MICAL2: variants seen among roughly 807,000 people sequenced by gnomAD.
The protein encoded by MICAL2 is microtubule associated monooxygenase, calponin and LIM domain containing 2, also known as [F-actin]-monooxygenase MICAL2.
A neutral mutation model predicts 127.3 loss-of-function variants in MICAL2; 77 were observed. That is an observed-to-expected ratio of 0.60 (90% CI 0.50 to 0.73). The LOEUF (loss-of-function observed/expected upper bound fraction) is 0.73, where lower values mean the gene tolerates loss of function less well. MICAL2 is among the 30% of genes least tolerant of loss of function. The pLI, the probability that MICAL2 is intolerant of heterozygous loss-of-function variation, is 0.00. For missense variants in MICAL2, 1,351 were observed against 1,434.4 expected (o/e 0.94, Z 0.94); for synonymous variants, 570 against 551.1 (o/e 1.03, Z -0.48).
downstream of MICAL2, among the ~76,000 whole-genome samples, chr11:12,296,843 A>G (rs1863991943): frequency 1.3e-5 from 2 of 151,820 alleles, no homozygotes; most frequent in African/African-American, 2.4e-5. Flanking sequence ...TTTTCATTTT[A>G]TTTTGGAGCT....
At chr11:12,275,804 T>C (rs1029607316), upstream of MICAL2, among the ~76,000 whole-genome samples, 4 of 152,194 alleles carry the variant, frequency 2.6e-5, no homozygotes, top group African/African-American at 9.7e-5. Flanking sequence ...AAATATGCCC[T>C]AAATGCCTGG....
chr11:12,323,776 G>T (rs1864325989), intron 30 of MICAL2, among the ~76,000 whole-genome samples: 1 of 152,158 alleles, frequency 6.6e-6, no homozygotes, highest in Non-Finnish European at 1.5e-5. Context: ...GCCACATGGG[G>T]CTTGTGGCTT....
chr11:12,157,813 C>A (rs978391446), intron 2 of MICAL2, among the ~76,000 whole-genome samples: 2 of 152,190 alleles, frequency 1.3e-5, no homozygotes, highest in African/African-American at 4.8e-5. Context: ...CTGAGTCCTT[C>A]TGAGTGCTAG....
intron 1 of MICAL2, among the ~76,000 whole-genome samples, chr11:12,124,429 C>A (rs1023169735): frequency 1.3e-5 from 2 of 152,132 alleles, no homozygotes; most frequent in Non-Finnish European, 2.9e-5. Flanking sequence ...TGCAGTTCTG[C>A]ATCTACTATC....
chr11:12,150,882 G>T (rs1468131603), intron 2 of MICAL2, among the ~76,000 whole-genome samples: 1 of 152,166 alleles, frequency 6.6e-6, no homozygotes, highest in Non-Finnish European at 1.5e-5. Context: ...TTCTGCCTCG[G>T]TTTGGTTTGG....
At chr11:12,240,863 G>A (rs2279613) in intron 17 of MICAL2, among the ~76,000 whole-genome samples, 177 bp from the exon 18 acceptor site, 52,043 of 152,178 alleles carry the variant, frequency 0.34, 9,269 homozygotes, top group South Asian at 0.41. Flanking sequence ...AGGGAGCCAG[G>A]GCTCAAGTTT....
Position 12,150,381 on chromosome 11 carries a change from C to G in MICAL2, c.-77-11698C>G, listed in dbSNP as rs186096649. On this transcript the variant is annotated intron_variant, in intron 2 of 27. Coordinates refer to ENST00000683283, the MANE Select transcript of MICAL2 (RefSeq NM_001282663.2). Reference sequence around the variant, plus strand: ...GGTCAAGGCTGCAGTGAGCCGTGACCGTACCACTGCTCTCCAACCTGGGCA... The same window carrying G: ...GGTCAAGGCTGCAGTGAGCCGTGACGGTACCACTGCTCTCCAACCTGGGCA... Among the ~76,000 whole-genome samples the G allele has an allele frequency of 1.1e-3, 167 of 151,914 alleles. 1 individual carries two copies. Among genetic ancestry groups the G allele is most frequent in the African/African-American group, 3.7e-3 (154 of 41,418 alleles).
chr11:12,308,460 T>G (rs1421745878), intron 29 of MICAL2, among the ~76,000 whole-genome samples: 1 of 152,208 alleles, frequency 6.6e-6, no homozygotes, highest in Admixed American at 6.5e-5. Flanking sequence ...TTTTTTAGTT[T>G]TCAGTGTGTG....
At chr11:12,267,896 A>T (rs536472091), downstream of MICAL2, among the ~76,000 whole-genome samples, 13 of 152,092 alleles carry the variant, frequency 8.5e-5, no homozygotes, top group Non-Finnish European at 8.8e-5. Flanking sequence ...CCTGGCCTGG[A>T]TGATCCTTTT....
downstream of MICAL2, chr11:12,358,664 A>G (rs181859742): frequency 5.8e-5 from 28 of 482,208 alleles, no homozygotes; most frequent in Admixed American, 3.8e-4. Flanking sequence ...CAGAGATTCA[A>G]ATGAAGAAAA....
At chr11:12,237,119 A>G (rs1359865081) in intron 16 of MICAL2, among the ~76,000 whole-genome samples, 1 of 152,154 alleles carries the variant, frequency 6.6e-6, no homozygotes, top group Non-Finnish European at 1.5e-5. Flanking sequence ...TTTATAATAA[A>G]TAGAGTCATG....
chr11:12,228,940 G>A (rs1413232286), intron 15 of MICAL2, among the ~76,000 whole-genome samples: 2 of 152,184 alleles, frequency 1.3e-5, no homozygotes, highest in African/African-American at 4.8e-5. Context: ...GGTAGGGGCA[G>A]TTGTAAGTAC....
intron 29 of MICAL2, among the ~76,000 whole-genome samples, chr11:12,300,830 G>A (rs1407914422): frequency 1.3e-5 from 2 of 152,126 alleles, no homozygotes; most frequent in South Asian, 2.1e-4. Context: ...ATAATAAAAG[G>A]GTGTTGTTGT....
intron 5 of MICAL2, 103 bp downstream of exon 5, chr11:12,208,242 G>T: frequency 1.1e-6 from 1 of 894,908 alleles, no homozygotes. Flanking sequence ...ATTCTTACTG[G>T]GAGCTGGTTG....
intron 2 of MICAL2, among the ~76,000 whole-genome samples, chr11:12,151,475 C>T (rs1483307782): frequency 2.0e-5 from 3 of 152,186 alleles, no homozygotes; most frequent in Non-Finnish European, 4.4e-5. Flanking sequence ...ACTGTATTAG[C>T]TAGGGTAATG....
Position 12,241,105 on chromosome 11 carries a change from T to G in MICAL2, c.2280T>G (p.Ser760=). The G allele has an allele frequency of 1.9e-6, 3 of 1,614,190 alleles. No homozygotes were observed. Among genetic ancestry groups the G allele is most frequent in the Non-Finnish European group, 2.5e-6 (3 of 1,180,028 alleles). ...CTTCCTCCGGCCCTCCTGTTCACTC[T>G]TGCTGCCCCAAGCCGGAGGAGGCCA... ...LCSSSGPPVH[S]CCPKPEEATP... Residue 760 remains serine, a synonymous_variant, in exon 18 of 28, where the codon TCT becomes TCG. Coordinates refer to ENST00000683283, the MANE Select transcript of MICAL2 (RefSeq NM_001282663.2).
At chr11:12,227,375 C>T (rs7948559) in intron 15 of MICAL2, among the ~76,000 whole-genome samples, 6,265 of 152,262 alleles carry the variant, frequency 0.041, 458 homozygotes, top group African/African-American at 0.14. Context: ...GCTGATAGAA[C>T]ATATTGGTGA....
intron 16 of MICAL2, among the ~76,000 whole-genome samples, chr11:12,237,375 A>C (rs1859231865): frequency 6.6e-6 from 1 of 152,202 alleles, no homozygotes; most frequent in African/African-American, 2.4e-5. Context: ...CAGCAAATAG[A>C]GACACAGAGA....
intron 5 of MICAL2, 59 bp downstream of exon 5, chr11:12,208,198 CTT>C (rs750377394): frequency 7.5e-7 from 1 of 1,329,400 alleles, no homozygotes; most frequent in East Asian, 2.3e-5. Flanking sequence ...AGAAATTCCA[CTT>C]GCTGCTTCCA....
Sources: allele counts gnomAD v4.1 joint callset (sites outside exome capture counted in the v4.1 genomes callset), GRCh38; gene constraint gnomAD v4.1.1; transcripts MANE v1.5; gene names NCBI Gene and HGNC (gene_info 2026-07-23, HGNC 2026-07-21).